SFXN4: variants seen among roughly 807,000 people sequenced by gnomAD.
The protein encoded by SFXN4 is sideroflexin 4.
SFXN4 carries 48 observed loss-of-function variants against 54.6 expected under a neutral mutation model. The ratio of observed to expected loss-of-function variants is 0.88; its 90% CI spans 0.70 to 1.12. The LOEUF (loss-of-function observed/expected upper bound fraction) is 1.12, where lower values mean the gene tolerates loss of function less well. SFXN4 is among the 50% of genes most tolerant of loss of function. The probability of loss-of-function intolerance (pLI) is 0.00; values close to 1 mark genes in which losing one functional copy is unlikely to be tolerated. For synonymous variants in SFXN4, 130 were observed against 145.5 expected (o/e 0.89, Z 0.77); for missense variants, 383 against 409.2 (o/e 0.94, Z 0.55).
At chr10:119,165,515 T>C in intron 1 of SFXN4, 22 bp downstream of exon 1, 2 of 1,562,338 alleles carry the variant, frequency 1.3e-6, no homozygotes, top group Non-Finnish European at 1.7e-6. Context: ...CTGCCCCTAG[T>C]CGCGCCGGGC....
intron 13 of SFXN4, among the ~76,000 whole-genome samples, chr10:119,145,306 T>TTCCC (rs1420137311): frequency 1.4e-5 from 2 of 145,828 alleles, no homozygotes; most frequent in Non-Finnish European, 3.0e-5. Context: ...ATATTTTTTC[T>TTCCC]TATGATTTTT....
chr10:119,143,224 T>C (rs560941703), intron 13 of SFXN4, among the ~76,000 whole-genome samples: 2 of 152,264 alleles, frequency 1.3e-5, no homozygotes, highest in East Asian at 1.9e-4. Flanking sequence ...ATCCTGCCTG[T>C]TCCTTGCAGC....
At chr10:119,156,540 G>A in intron 10 of SFXN4, 138 bp downstream of exon 10, 1 of 690,248 alleles carries the variant, frequency 1.4e-6, no homozygotes. Flanking sequence ...TTGGGCTTGG[G>A]GGCCTGCCGG....
chr10:119,164,419 A>G (rs1008895253), intron 1 of SFXN4, among the ~76,000 whole-genome samples: 3 of 152,222 alleles, frequency 2.0e-5, no homozygotes, highest in Non-Finnish European at 2.9e-5. Context: ...CAACACAGCC[A>G]GGAAATGATT....
At position 119,147,810 on chromosome 10, in the gene SFXN4, A is replaced by C. The variant is rs755603348; in HGVS notation, c.783T>G (p.Ala261=). Reference sequence around the variant, plus strand: ...AGTAGGTGAAGACTTCAGGAATCAGAGCTGAGGTCCCAAACAGCACTATTC... The same window carrying C: ...AGTAGGTGAAGACTTCAGGAATCAGCGCTGAGGTCCCAAACAGCACTATTC... ...ASRIVLFGTS[A]LIPEVFTYFF... Residue 261 remains alanine (A), a synonymous_variant, in exon 12 of 14, where the codon GCT becomes GCG. Coordinates refer to ENST00000355697, the MANE Select transcript of SFXN4 (RefSeq NM_213649.2). 6.2e-7 allele frequency: 1 copy of C among 1,614,168 alleles called. No homozygotes were observed. The highest frequency in any genetic ancestry group is 8.5e-7 in the Non-Finnish European group (1 of 1,179,986).
chr10:119,161,982 G>A (rs949945607), intron 3 of SFXN4, among the ~76,000 whole-genome samples: 2 of 152,228 alleles, frequency 1.3e-5, no homozygotes, highest in Non-Finnish European at 1.5e-5. Flanking sequence ...CTGCAGTGGA[G>A]AATGAATTCT....
intron 11 of SFXN4, among the ~76,000 whole-genome samples, chr10:119,150,993 G>A (rs1336952618): frequency 2.0e-5 from 3 of 150,450 alleles, no homozygotes; most frequent in Non-Finnish European, 4.4e-5. Flanking sequence ...AATCTCAAAC[G>A]TGAAAGAAGC....
intron 11 of SFXN4, among the ~76,000 whole-genome samples, chr10:119,148,307 C>A (rs894530785): frequency 6.6e-6 from 1 of 152,106 alleles, no homozygotes; most frequent in African/African-American, 2.4e-5. Flanking sequence ...ACGCCTTCCA[C>A]GTAACTTTCC....
intron 11 of SFXN4, among the ~76,000 whole-genome samples, chr10:119,150,965 T>C (rs1207966293): frequency 6.6e-6 from 1 of 152,096 alleles, no homozygotes; most frequent in African/African-American, 2.4e-5. Flanking sequence ...ATGAGCAACA[T>C]GTGGTACAAG....
chr10:119,143,012 A>G lies in SFXN4; in HGVS notation c.937-1693T>C, dbSNP rs573629323. Among the ~76,000 whole-genome samples, 156 of 152,120 alleles carry G rather than the reference A, an allele frequency of 1.0e-3. 1 individual carries two copies. Among genetic ancestry groups the G allele is most frequent in the South Asian group, 4.2e-4 (2 of 4,812 alleles). ...CTCCCAAAGTGCTGGGATTACAGGC[A>G]TGAGCCACCACGCCCGGCCCCAACA... On this transcript the variant is annotated intron_variant, in intron 13 of 13. Coordinates refer to ENST00000355697, the MANE Select transcript of SFXN4 (RefSeq NM_213649.2).
Position 119,155,176 on chromosome 10 carries a change from C to T in SFXN4, c.618G>A (p.Val206=). 1.2e-6 allele frequency: 2 copies of T among 1,608,266 alleles called. No homozygotes were observed. The highest frequency in any genetic ancestry group is 1.7e-6 in the Non-Finnish European group (2 of 1,174,664). The part of the protein sequence containing the change: ...IKRLLPVIFL[V]QASGMNVYMS... ...TGTAGACATTCATTCCACTGGCTTG[C>T]ACTGTAGATGTAAAGAAGTAAAGAA... Residue 206 remains valine (V), a splice_region_variant and synonymous_variant, in exon 11 of 14, where the codon GTG becomes GTA. Coordinates refer to ENST00000355697, the MANE Select transcript of SFXN4 (RefSeq NM_213649.2).
At chr10:119,145,207 C>T (rs138332901) in intron 13 of SFXN4, among the ~76,000 whole-genome samples, 66 of 152,156 alleles carry the variant, frequency 4.3e-4, no homozygotes, top group Non-Finnish European at 7.8e-4. Context: ...CTTCCTCCTC[C>T]GCAGCCTACT....
At chr10:119,160,591 T>TA (rs1403480046) in intron 5 of SFXN4, among the ~76,000 whole-genome samples, 9 of 71,662 alleles carry the variant, frequency 1.3e-4, no homozygotes, top group African/African-American at 3.2e-4. Flanking sequence ...TTCTTTTCTT[T>TA]TTTTTTTTTT....
At chr10:119,157,801 C>G (rs2133610351) in intron 8 of SFXN4, 68 bp from the exon 9 acceptor site, 3 of 1,603,666 alleles carry the variant, frequency 1.9e-6, no homozygotes, top group Non-Finnish European at 2.6e-6. Context: ...AATTTAAAAA[C>G]AAACACATAC....
intron 13 of SFXN4, among the ~76,000 whole-genome samples, chr10:119,144,762 T>C (rs1395627556): frequency 6.6e-6 from 1 of 152,142 alleles, no homozygotes; most frequent in Admixed American, 6.6e-5. Context: ...CAATAGCCAC[T>C]AAGCACACAA....
At chr10:119,151,785 G>A (rs1204147896) in intron 11 of SFXN4, among the ~76,000 whole-genome samples, 1 of 151,718 alleles carries the variant, frequency 6.6e-6, no homozygotes, top group African/African-American at 2.4e-5. Context: ...TCAGAGTGCT[G>A]GGATTACAGG....
intron 5 of SFXN4, among the ~76,000 whole-genome samples, chr10:119,160,135 T>C (rs901775903): frequency 6.6e-6 from 1 of 151,920 alleles, no homozygotes. Flanking sequence ...GCTATTATGG[T>C]GCTACTGTAC....
chr10:119,163,315 A>G lies in SFXN4; in HGVS notation c.177+816T>C, dbSNP rs4556461. 9.2e-3 allele frequency among the ~76,000 whole-genome samples: 1,404 copies of G among 151,916 alleles called. 22 individuals are homozygous for G. The highest frequency in any genetic ancestry group is 0.032 in the African/African-American group (1,343 of 41,380). ...AGCCAGTCTGTCCTCCATCACGTGG[A>G]AGATTTGTTTGATTCTCTCTGAATC... On this transcript the variant is annotated intron_variant, in intron 2 of 13. Coordinates refer to ENST00000355697, the MANE Select transcript of SFXN4 (RefSeq NM_213649.2).
At chr10:119,155,362 G>T (rs1389754056) in intron 10 of SFXN4, among the ~76,000 whole-genome samples, 185 bp from the exon 11 acceptor site, 1 of 152,236 alleles carries the variant, frequency 6.6e-6, no homozygotes, top group Non-Finnish European at 1.5e-5. Flanking sequence ...TGTGGAAGTA[G>T]GCTAAGAACT....
Sources: allele counts gnomAD v4.1 joint callset (sites outside exome capture counted in the v4.1 genomes callset), GRCh38; gene constraint gnomAD v4.1.1; transcripts MANE v1.5; gene names NCBI Gene and HGNC (gene_info 2026-07-23, HGNC 2026-07-21).